ADGRL2: variants seen among roughly 807,000 people sequenced by gnomAD.
ADGRL2 encodes the protein calcium-independent alpha-latrotoxin receptor 2.
In ADGRL2, 44 loss-of-function variants were observed where a neutral mutation model predicts 157.4. That is an observed-to-expected ratio of 0.28 (90% confidence interval 0.22 to 0.36). The LOEUF (loss-of-function observed/expected upper bound fraction) is 0.36, where lower values mean the gene tolerates loss of function less well. Ranked by LOEUF, ADGRL2 falls within the 10% of genes least tolerant of loss-of-function variation. The probability of loss-of-function intolerance (pLI) is 1.00; values close to 1 mark genes in which losing one functional copy is unlikely to be tolerated. For missense variants in ADGRL2, 1,510 were observed against 1,768.9 expected (o/e 0.85, Z 2.63); for synonymous variants, 585 against 624.7 (o/e 0.94, Z 0.95).
chr1:81,394,940 C>T (rs2101168830), intron 1 of ADGRL2, among the ~76,000 whole-genome samples: 1 of 150,778 alleles, frequency 6.6e-6, no homozygotes, highest in East Asian at 1.9e-4. Flanking sequence ...GCTCTGTCAC[C>T]CTGGCCAGAG....
Position 81,952,107 on chromosome 1 carries a change from AG to A in ADGRL2, c.1760del (p.Ser587MetfsTer35). 6.2e-7 allele frequency: 1 copy of A among 1,612,900 alleles called. No homozygotes were observed. The highest frequency in any genetic ancestry group is 8.5e-7 in the Non-Finnish European group (1 of 1,179,342). ...LDAQLQELKP[S>X]EKDSAGRSYN... ...TGCACAGCTGCAGGAACTGAAACCT[AG>A]TGAAAAAGATTCAGCTGGACGGAGT... On this transcript the variant is annotated frameshift_variant, in exon 9 of 24. Coordinates refer to ENST00000686636, the MANE Select transcript of ADGRL2 (RefSeq NM_001366006.2). LOFTEE classifies it high-confidence loss of function.
At chr1:81,871,872 TCTGTAGGTTGC>T (rs1463683253) in intron 2 of ADGRL2, among the ~76,000 whole-genome samples, 1 of 152,186 alleles carries the variant, frequency 6.6e-6, no homozygotes, top group Non-Finnish European at 1.5e-5. Context: ...TTTCTCCCAT[TCTGTAGGTTGC>T]CTGTTCACTC....
chr1:81,433,854 T>A (rs1252488118), intron 1 of ADGRL2, among the ~76,000 whole-genome samples: 2 of 152,176 alleles, frequency 1.3e-5, no homozygotes, highest in Non-Finnish European at 2.9e-5. Flanking sequence ...ACTGAAGTCA[T>A]GTAAAGGCTT....
At chr1:81,910,761 A>C (rs1253980841) in intron 3 of ADGRL2, among the ~76,000 whole-genome samples, 1 of 151,828 alleles carries the variant, frequency 6.6e-6, no homozygotes, top group Non-Finnish European at 1.5e-5. Flanking sequence ...AAAATCCCAA[A>C]ACCCTAATAG....
chr1:81,788,119 A>C (rs1458321872), intron 2 of ADGRL2, among the ~76,000 whole-genome samples: 1 of 152,194 alleles, frequency 6.6e-6, no homozygotes, highest in East Asian at 1.9e-4. Flanking sequence ...AAAACATTAC[A>C]CAAATGGAGT....
At position 81,979,859 on chromosome 1, in the gene ADGRL2, G is replaced by T. The variant is rs1300631521; in HGVS notation, c.3022-10G>T. ...TTCATTGTGGTCTAATTCTTTATTTGTTACAACAGCTAAATATTATCTTCT... is the reference window on the plus strand; with the variant it reads ...TTCATTGTGGTCTAATTCTTTATTTTTTACAACAGCTAAATATTATCTTCT... On this transcript the variant is annotated splice_polypyrimidine_tract_variant and intron_variant, in intron 17 of 23. Transcript: ENST00000686636. 6 of 1,539,064 alleles carry T rather than the reference G, an allele frequency of 3.9e-6. No individual in the cohort carries two copies. Among genetic ancestry groups the T allele is most frequent in the Middle Eastern group, 1.7e-4 (1 of 5,900 alleles).
At chr1:81,778,633 G>A (rs139765247) in intron 2 of ADGRL2, among the ~76,000 whole-genome samples, 9 of 152,236 alleles carry the variant, frequency 5.9e-5, no homozygotes, top group Non-Finnish European at 1.2e-4. Flanking sequence ...TTCATGGATC[G>A]AAAGTTTGCA....
chr1:81,584,430 T>G (rs906034698), intron 3 of ADGRL2, among the ~76,000 whole-genome samples: 3 of 152,148 alleles, frequency 2.0e-5, no homozygotes, highest in Non-Finnish European at 4.4e-5. Context: ...CCATAGCCCT[T>G]TGAAAAGACA....
chr1:81,509,348 G>A (rs866560534), intron 2 of ADGRL2, among the ~76,000 whole-genome samples: 20 of 151,494 alleles, frequency 1.3e-4, no homozygotes, highest in South Asian at 2.1e-4. Context: ...GAATCACTTC[G>A]GAAAAAATAC....
intron 6 of ADGRL2, among the ~76,000 whole-genome samples, chr1:81,947,549 G>C (rs1650292030): frequency 6.6e-6 from 1 of 152,102 alleles, no homozygotes; most frequent in Admixed American, 6.5e-5. Flanking sequence ...TGGAGTTGTG[G>C]TAAGGATTAA....
At chr1:81,785,771 T>C (rs1422927340) in intron 2 of ADGRL2, among the ~76,000 whole-genome samples, 1 of 152,004 alleles carries the variant, frequency 6.6e-6, no homozygotes, top group Non-Finnish European at 1.5e-5. Context: ...CGAACTAGCA[T>C]GTTTAATATC....
chr1:81,502,376 G>C, intron 2 of ADGRL2: 1 of 1,614,148 alleles, frequency 6.2e-7, no homozygotes, highest in Admixed American at 1.7e-5. Context: ...TGGAGGCCGG[G>C]GAAGAGAGAT....
intron 2 of ADGRL2, among the ~76,000 whole-genome samples, chr1:81,456,661 C>G (rs1571017403): frequency 1.3e-5 from 2 of 150,028 alleles, no homozygotes; most frequent in African/African-American, 5.0e-5. Context: ...TCATCACATC[C>G]TCCTTTCCTA....
chr1:81,727,189 T>TAA (rs774701337), intron 1 of ADGRL2, among the ~76,000 whole-genome samples: 1 of 152,166 alleles, frequency 6.6e-6, no homozygotes, highest in Non-Finnish European at 1.5e-5. Flanking sequence ...ATTCTCAATT[T>TAA]TGTGAAAATA....
At chr1:81,930,948 A>G (rs1557936787) in intron 3 of ADGRL2, among the ~76,000 whole-genome samples, 1 of 152,170 alleles carries the variant, frequency 6.6e-6, no homozygotes, top group Admixed American at 6.6e-5. Flanking sequence ...CCTGCCCAAC[A>G]TGATGAGACC....
intron 3 of ADGRL2, among the ~76,000 whole-genome samples, chr1:81,594,484 A>G (rs2081193614): frequency 2.0e-5 from 3 of 152,304 alleles, no homozygotes; most frequent in Admixed American, 2.0e-4. Context: ...TGAAACTACC[A>G]GTTTCCTTAT....
intron 1 of ADGRL2, among the ~76,000 whole-genome samples, chr1:81,359,024 A>G (rs547497537): frequency 6.6e-6 from 1 of 152,176 alleles, no homozygotes; most frequent in South Asian, 2.1e-4. Flanking sequence ...AGTGTATTTA[A>G]AAGTTCTGCT....
In ADGRL2 at chr1:81,624,318, C is replaced by T. The variant is rs559601759; in HGVS notation, c.-143+43338C>T. ...TTATCTGGCCGGGTGCGGTGGCTCA[C>T]GCCTGTAATCCCAGCACATTGGGAG... On this transcript the variant is annotated intron_variant, in intron 3 of 24. Coordinates refer to the ADGRL2 transcript ENST00000370721. Among the ~76,000 whole-genome samples the T allele has an allele frequency of 1.1e-3, 167 of 152,282 alleles. 3 individuals carry two copies. The highest frequency in any genetic ancestry group is 3.8e-3 in the African/African-American group (157 of 41,566).
chr1:81,987,911 C>T, intron 23 of ADGRL2, 25 bp downstream of exon 23: 1 of 326,716 alleles, frequency 3.1e-6, no homozygotes, highest in Non-Finnish European at 6.6e-6. Context: ...CTTAACTTTG[C>T]CTATCAAATG....
Sources: allele counts gnomAD v4.1 joint callset (sites outside exome capture counted in the v4.1 genomes callset), GRCh38; gene constraint gnomAD v4.1.1; transcripts MANE v1.5; gene names NCBI Gene and HGNC (gene_info 2026-07-23, HGNC 2026-07-21).